SCMH1: variants seen among roughly 807,000 people sequenced by gnomAD.
SCMH1 encodes Scm polycomb group protein homolog 1, also known as polycomb protein SCMH1.
A neutral mutation model predicts 70.8 loss-of-function variants in SCMH1; 37 were observed. The observed-to-expected ratio is 0.52, with a 90% CI of 0.40 to 0.69. SCMH1 has a LOEUF of 0.69. SCMH1 is among the 30% of genes least tolerant of loss of function. The pLI is 0.00. For missense variants in SCMH1, 607 were observed against 827.3 expected (o/e 0.73, Z 3.27); for synonymous variants, 292 against 307.4 (o/e 0.95, Z 0.52).
intron 1 of SCMH1, among the ~76,000 whole-genome samples, chr1:41,187,883 A>C (rs1320979695): frequency 6.6e-6 from 1 of 151,756 alleles, no homozygotes; most frequent in East Asian, 1.9e-4. Flanking sequence ...GCTACTTGGG[A>C]GGTTAAGGCA....
At chr1:41,043,813 GTATT>G (rs1341017350) in intron 12 of SCMH1, 3 of 151,950 alleles carry the variant, frequency 2.0e-5, no homozygotes, top group East Asian at 1.9e-4. Context: ...AAACACAAAA[GTATT>G]TAAGGATAAA....
At chr1:41,174,661 C>G (rs1646996951) in intron 2 of SCMH1, among the ~76,000 whole-genome samples, 1 of 152,084 alleles carries the variant, frequency 6.6e-6, no homozygotes, top group East Asian at 1.9e-4. Flanking sequence ...GTTACAGAAA[C>G]AAGAACTGTA....
intron 4 of SCMH1, among the ~76,000 whole-genome samples, chr1:41,156,804 A>G (rs1645589973): frequency 6.6e-6 from 1 of 151,902 alleles, no homozygotes; most frequent in South Asian, 2.1e-4. Context: ...CAACATATAT[A>G]TTGCTGAAAT....
intron 8 of SCMH1, among the ~76,000 whole-genome samples, chr1:41,108,271 T>C (rs1668485353): frequency 6.6e-6 from 1 of 152,196 alleles, no homozygotes; most frequent in Non-Finnish European, 1.5e-5. Context: ...AATATATTAA[T>C]TTATAATAAA....
At chr1:41,094,695 C>T (rs11585875) in intron 8 of SCMH1, among the ~76,000 whole-genome samples, 9,002 of 152,076 alleles carry the variant, frequency 0.059, 356 homozygotes, top group South Asian at 0.12. Flanking sequence ...TTTTGACCAG[C>T]CTGGCCAACA....
intron 8 of SCMH1, among the ~76,000 whole-genome samples, chr1:41,086,919 A>C (rs1361012677): frequency 6.6e-6 from 1 of 151,886 alleles, no homozygotes; most frequent in Non-Finnish European, 1.5e-5. Flanking sequence ...AAACACACAA[A>C]GCAGAAACCA....
intron 6 of SCMH1, among the ~76,000 whole-genome samples, chr1:41,130,673 AGTTCAATGG>A (rs1366591829): frequency 6.6e-6 from 1 of 152,216 alleles, no homozygotes; most frequent in East Asian, 1.9e-4. Flanking sequence ...TTAAGTATAT[AGTTCAATGG>A]GTTTTAGTAC....
At chr1:41,065,205 G>C (rs1043748577) in intron 10 of SCMH1, among the ~76,000 whole-genome samples, 1 of 152,128 alleles carries the variant, frequency 6.6e-6, no homozygotes, top group African/African-American at 2.4e-5. Context: ...TGAATCAGCT[G>C]GGGGTGGTGG....
chr1:41,074,072 C>CTTTT lies in SCMH1; in HGVS notation c.978+1143_978+1146dup, dbSNP rs532510799. Among the ~76,000 whole-genome samples, 5 of 128,460 alleles carry CTTTT rather than the reference C, an allele frequency of 3.9e-5. No homozygotes were observed. The East Asian group carries it at 9.5e-4, about 24-fold the overall frequency. The allele number at this position is 128,460 out of a possible 152,430, so 84.3% of individuals were successfully genotyped here. A position where few individuals can be genotyped will look rare whatever the true frequency, so the allele number is the denominator to read the frequency against. Reference sequence around the variant, plus strand: ...CCCTAGAGAAGCTGCTGACAGAAGTCTTTTTTTTTTTTTTTTTTTATATCA... The same window carrying CTTTT: ...CCCTAGAGAAGCTGCTGACAGAAGTCTTTTTTTTTTTTTTTTTTTTTTTATATCA... On this transcript the variant is annotated intron_variant, in intron 9 of 14. Transcript: ENST00000337495.
chr1:41,071,703 T>A (rs1222937166), intron 9 of SCMH1, among the ~76,000 whole-genome samples: 1 of 151,978 alleles, frequency 6.6e-6, no homozygotes, highest in Non-Finnish European at 1.5e-5. Flanking sequence ...TGCTCTGTTA[T>A]CCAGGCTGGC....
chr1:41,159,756 C>T (rs1181671852), intron 4 of SCMH1: 1 of 1,531,660 alleles, frequency 6.5e-7, no homozygotes, highest in Non-Finnish European at 8.8e-7. Context: ...ATTTCTTCAG[C>T]TCACATTCAT....
chr1:41,033,956 T>C (rs758047742), intron 13 of SCMH1, 27 bp downstream of exon 14: 12 of 1,613,556 alleles, frequency 7.4e-6, no homozygotes, highest in Non-Finnish European at 9.3e-6. Context: ...TTGGGGAAGA[T>C]AAAAATAACA....
intron 5 of SCMH1, among the ~76,000 whole-genome samples, chr1:41,149,862 T>C (rs1218396608): frequency 1.3e-5 from 2 of 152,218 alleles, no homozygotes; most frequent in East Asian, 1.9e-4. Context: ...TCCTTTCAGA[T>C]AGTTTTTTCC....
intron 12 of SCMH1, chr1:41,045,874 T>TGGGTCTGTGGGTCTCAA (rs1646839807): frequency 6.5e-6 from 1 of 152,744 alleles, no homozygotes; most frequent in Non-Finnish European, 1.5e-5. Flanking sequence ...GTCTGGTATG[T>TGGGTCTGTGGGTCTCAA]TAACTAAGAA....
At chr1:41,066,405 GCTTCT>G (rs1282128702) in intron 10 of SCMH1, among the ~76,000 whole-genome samples, 9 of 152,170 alleles carry the variant, frequency 5.9e-5, no homozygotes, top group Non-Finnish European at 1.2e-4. Flanking sequence ...CAGGTAGGCT[GCTTCT>G]CTTCTTTCTC....
chr1:41,204,801 T>C (rs1388712929), intron 1 of SCMH1, among the ~76,000 whole-genome samples: 1 of 152,224 alleles, frequency 6.6e-6, no homozygotes, highest in East Asian at 1.9e-4. Flanking sequence ...GGGGTGTTTA[T>C]GTTATTCATT....
chr1:41,113,380 C>A lies in SCMH1; in HGVS notation c.648G>T (p.Gly216=), dbSNP rs1198132124. 1 of 1,613,858 alleles carries A rather than the reference C, an allele frequency of 6.2e-7. No homozygotes were observed. Among genetic ancestry groups the A allele is most frequent in the African/African-American group, 1.3e-5 (1 of 74,862 alleles). Reference sequence around the variant, plus strand: ...CGAAGCGGCACCAGTAGTCAAAGGCCCCTCGCCACCCATCAAAAGTGACAA... The same window carrying A: ...CGAAGCGGCACCAGTAGTCAAAGGCACCTCGCCACCCATCAAAAGTGACAA... Residue 216 remains glycine (G), a synonymous_variant, in exon 8 of 15, where the codon GGG becomes GGT. Coordinates refer to ENST00000337495, the Ensembl canonical transcript of SCMH1. This position sits in a 1 kb window ranked among gnomAD's most constrained non-coding sequence, Gnocchi z 4.3.
At chr1:41,138,209 G>T (rs556016920) in intron 6 of SCMH1, among the ~76,000 whole-genome samples, 4 of 151,260 alleles carry the variant, frequency 2.6e-5, no homozygotes, top group African/African-American at 9.7e-5. Flanking sequence ...CTTTTTTTTT[G>T]CCAGAAGTTT....
chr1:41,171,191 T>G lies in SCMH1; in HGVS notation c.14-9759A>C, dbSNP rs950293560. Among the ~76,000 whole-genome samples the G allele has an allele frequency of 5.3e-5, 8 of 152,150 alleles. No homozygotes were observed. In the East Asian group the frequency reaches 1.5e-3, roughly 29 times the overall value. On this transcript the variant is annotated intron_variant, in intron 2 of 14. Transcript: ENST00000337495. ...CCTGATATGGCACTATTTCCCAGGGTGATCAGCCAGCTACCCAGTGGCTGG... is the reference window on the plus strand; with the variant it reads ...CCTGATATGGCACTATTTCCCAGGGGGATCAGCCAGCTACCCAGTGGCTGG...
Sources: gnomAD v4.1 joint callset for allele counts (sites outside exome capture counted in the v4.1 genomes callset) on GRCh38, gnomAD v4.1.1 for gene constraint, Gnocchi (gnomAD v3.1) non-coding constraint, MANE v1.5 for transcripts, NCBI Gene and HGNC (gene_info 2026-07-23, HGNC 2026-07-21) for gene names.